MLLT3: variants seen among roughly 807,000 people sequenced by gnomAD.
The protein encoded by MLLT3 is protein AF-9.
In MLLT3, 4 loss-of-function variants were observed where a neutral mutation model predicts 53.2. The observed-to-expected ratio is 0.08, with a 90% confidence interval of 0.04 to 0.17. The LOEUF (loss-of-function observed/expected upper bound fraction) is 0.17. Among genes scored for constraint, MLLT3 ranks in the 10% least tolerant of loss-of-function variants. MLLT3 has a pLI of 1.00. For missense variants in MLLT3, 569 were observed against 684.0 expected, an observed-to-expected ratio of 0.83 and a Z score of 1.87; for synonymous variants, 283 against 230.6, an observed-to-expected ratio of 1.23 and a Z score of -2.06.
chr9:20,526,587 A>G (rs1459171154), intron 2 of MLLT3, among the ~76,000 whole-genome samples: 1 of 152,218 alleles, frequency 6.6e-6, no homozygotes, highest in Non-Finnish European at 1.5e-5. Flanking sequence ...ACATTCTACA[A>G]TGATTGACAG....
intron 2 of MLLT3, among the ~76,000 whole-genome samples, chr9:20,612,753 C>A (rs999160361): frequency 3.9e-5 from 6 of 151,924 alleles, no homozygotes; most frequent in Admixed American, 2.6e-4. Flanking sequence ...CAAAAAGATA[C>A]CAAATTTCAA....
At chr9:20,348,996 TA>T (rs1269078780) in intron 10 of MLLT3, among the ~76,000 whole-genome samples, 2 of 152,250 alleles carry the variant, frequency 1.3e-5, no homozygotes, top group African/African-American at 4.8e-5. Flanking sequence ...TGAAAATGTG[TA>T]AATTTCAGGA....
intron 2 of MLLT3, among the ~76,000 whole-genome samples, chr9:20,566,944 A>C (rs928995245): frequency 6.6e-6 from 1 of 152,118 alleles, no homozygotes; most frequent in Non-Finnish European, 1.5e-5. Flanking sequence ...CCAAAGAGGG[A>C]GATCCATTAG....
At chr9:20,460,818 C>T (rs1399980293) in intron 2 of MLLT3, among the ~76,000 whole-genome samples, 2 of 152,192 alleles carry the variant, frequency 1.3e-5, no homozygotes, top group African/African-American at 4.8e-5. Context: ...AAACTCGCTA[C>T]AATCAACATA....
intron 2 of MLLT3, among the ~76,000 whole-genome samples, chr9:20,487,673 T>C (rs1292269963): frequency 5.9e-5 from 9 of 152,170 alleles, no homozygotes; most frequent in Admixed American, 3.9e-4. Context: ...AATTTAGGAA[T>C]AACTAATTCT....
At chr9:20,501,002 T>G (rs561835228) in intron 2 of MLLT3, among the ~76,000 whole-genome samples, 15 of 152,312 alleles carry the variant, frequency 9.8e-5, no homozygotes, top group Admixed American at 3.3e-4. Flanking sequence ...TTTCCCATTA[T>G]AAAACACACA....
chr9:20,501,782 A>C (rs1233724846), intron 2 of MLLT3, among the ~76,000 whole-genome samples: 2 of 148,408 alleles, frequency 1.3e-5, no homozygotes, highest in Non-Finnish European at 3.0e-5. Flanking sequence ...AAAAAAAAAA[A>C]AAAACCGCAC....
At position 20,386,080 on chromosome 9, in the gene MLLT3, G is replaced by C. The variant is rs74937401; in HGVS notation, c.1126-20336C>G. Among the ~76,000 whole-genome samples, 620 of 152,200 alleles carry C rather than the reference G, an allele frequency of 4.1e-3. 1 individual carries two copies. The highest frequency in any genetic ancestry group is 0.014 in the African/African-American group (584 of 41,538). On this transcript the variant is annotated intron_variant, in intron 5 of 10. Transcript: ENST00000380338. ...ATTTCCAATGGGCACTGCCATTTCT[G>C]TATTTCATATACAGAACATGTAGAG...
intron 2 of MLLT3, among the ~76,000 whole-genome samples, chr9:20,612,075 T>C (rs1820716819): frequency 1.3e-5 from 2 of 152,200 alleles, no homozygotes; most frequent in African/African-American, 4.8e-5. Flanking sequence ...CTAGATCATG[T>C]CTACAAAAGC....
At chr9:20,515,003 G>C (rs1049115967) in intron 2 of MLLT3, among the ~76,000 whole-genome samples, 1 of 143,026 alleles carries the variant, frequency 7.0e-6, no homozygotes, top group African/African-American at 2.7e-5. Flanking sequence ...CTGGAGTGCA[G>C]TGGCGTTATC....
chr9:20,453,064 C>G (rs1365469857), intron 3 of MLLT3, among the ~76,000 whole-genome samples: 1 of 152,132 alleles, frequency 6.6e-6, no homozygotes, highest in African/African-American at 2.4e-5. Context: ...ACAAATATAC[C>G]TAGCTCAGAG....
At chr9:20,525,642 A>G (rs749004163) in intron 2 of MLLT3, among the ~76,000 whole-genome samples, 8 of 152,232 alleles carry the variant, frequency 5.3e-5, no homozygotes, top group Non-Finnish European at 8.8e-5. Flanking sequence ...TCTGTAAACC[A>G]TTCCTGTCAA....
chr9:20,579,254 C>T (rs1819729320), intron 2 of MLLT3, among the ~76,000 whole-genome samples: 1 of 151,734 alleles, frequency 6.6e-6, no homozygotes, highest in South Asian at 2.1e-4. Context: ...GCTTGTGGTC[C>T]CAGCTACTCT....
chr9:20,501,844 G>A (rs1825243862), intron 2 of MLLT3, among the ~76,000 whole-genome samples: 1 of 148,656 alleles, frequency 6.7e-6, no homozygotes, highest in Non-Finnish European at 1.5e-5. Context: ...ATTTTGAGAA[G>A]CCAAAGCAGG....
At chr9:20,543,837 T>C (rs117995808) in intron 2 of MLLT3, among the ~76,000 whole-genome samples, 2,604 of 152,280 alleles carry the variant, frequency 0.017, 28 homozygotes, top group Middle Eastern at 0.034. Context: ...AAAGTGAGCA[T>C]ATGCTATTGG....
At chr9:20,524,312 T>G (rs1303668108) in intron 2 of MLLT3, among the ~76,000 whole-genome samples, 1 of 151,998 alleles carries the variant, frequency 6.6e-6, no homozygotes, top group Non-Finnish European at 1.5e-5. Flanking sequence ...AGTGTTTTGC[T>G]TCTTAAAATA....
intron 5 of MLLT3, among the ~76,000 whole-genome samples, chr9:20,398,379 A>C (rs1231537027): frequency 6.6e-6 from 1 of 152,140 alleles, no homozygotes; most frequent in Non-Finnish European, 1.5e-5. Context: ...GGCTACAATA[A>C]ACATTTAATT....
chr9:20,440,651 T>G lies in MLLT3; in HGVS notation c.420+7472A>C, dbSNP rs188596719. ...AAGTATTAGATACACTTTGTATGCA[T>G]CCTTGAAACAAGTACATAAAGAGCT... On this transcript the variant is annotated intron_variant, in intron 4 of 10. Coordinates refer to ENST00000380338, the MANE Select transcript of MLLT3 (RefSeq NM_004529.4). Among the ~76,000 whole-genome samples the G allele has an allele frequency of 1.3e-3, 196 of 152,268 alleles. 2 individuals carry two copies. In the East Asian group the frequency reaches 0.028, roughly 22 times the overall value.
At chr9:20,490,348 T>C (rs925419379) in intron 2 of MLLT3, among the ~76,000 whole-genome samples, 3 of 152,232 alleles carry the variant, frequency 2.0e-5, no homozygotes, top group Admixed American at 1.3e-4. Flanking sequence ...GTCAGAGAGA[T>C]GGCGTACAAG....
Sources: gnomAD v4.1 joint callset for allele counts (sites outside exome capture counted in the v4.1 genomes callset) on GRCh38, gnomAD v4.1.1 for gene constraint, MANE v1.5 for transcripts, NCBI Gene and HGNC (gene_info 2026-07-23, HGNC 2026-07-21) for gene names.